GRM7: variants seen among roughly 807,000 people sequenced by gnomAD.
GRM7 encodes the protein metabotropic glutamate receptor 7.
In GRM7, 35 loss-of-function variants were observed where a neutral mutation model predicts 84.5. The observed-to-expected ratio is 0.41, with a 90% confidence interval of 0.32 to 0.55. The LOEUF (loss-of-function observed/expected upper bound fraction) is 0.55, where lower values mean the gene tolerates loss of function less well. GRM7 is among the 20% of genes least tolerant of loss of function. The pLI is 0.19. For missense variants in GRM7, 1,003 were observed against 1,194.6 expected, an observed-to-expected ratio of 0.84 and a Z score of 2.36; for synonymous variants, 487 against 455.1, an observed-to-expected ratio of 1.07 and a Z score of -0.89.
At chr3:7,415,268 T>A in intron 5 of GRM7, 105 bp downstream of exon 5, 2 of 962,072 alleles carry the variant, frequency 2.1e-6, no homozygotes, top group Non-Finnish European at 3.2e-6. Context: ...ATTGAAAAAG[T>A]AAATTAAATT....
chr3:7,666,607 C>A (rs1303909778), intron 8 of GRM7, among the ~76,000 whole-genome samples: 1 of 152,112 alleles, frequency 6.6e-6, no homozygotes, highest in Non-Finnish European at 1.5e-5. Context: ...TGATAACGGC[C>A]AAAACGTTAG....
At chr3:7,558,662 C>T (rs990445549) in intron 7 of GRM7, among the ~76,000 whole-genome samples, 2 of 152,002 alleles carry the variant, frequency 1.3e-5, no homozygotes, top group Non-Finnish European at 2.9e-5. Context: ...AATAATATTG[C>T]CTAAAAGTTA....
chr3:7,600,120 G>T (rs1696245949), intron 8 of GRM7, among the ~76,000 whole-genome samples: 1 of 151,960 alleles, frequency 6.6e-6, no homozygotes, highest in Admixed American at 6.6e-5. Context: ...TAGCTAAATT[G>T]TTCAAAAGGC....
At chr3:6,891,814 A>G (rs1273792386) in intron 1 of GRM7, among the ~76,000 whole-genome samples, 2 of 152,140 alleles carry the variant, frequency 1.3e-5, no homozygotes, top group African/African-American at 4.8e-5. Flanking sequence ...CCTTTATAAT[A>G]TCCTGCAGAG....
intron 6 of GRM7, among the ~76,000 whole-genome samples, chr3:7,454,550 G>C (rs1455651682): frequency 1.3e-5 from 2 of 151,970 alleles, no homozygotes; most frequent in Admixed American, 1.3e-4. Context: ...ACTATATAAG[G>C]CTGAAGACAA....
Position 7,098,515 on chromosome 3 carries a change from CT to C in GRM7, c.520-47936del, listed in dbSNP as rs200143928. Reference sequence around the variant, plus strand: ...TCAGATATGAGATTTTTTTCCTCATCTGTGGATTAACTTCATATATCACTTG... The same window carrying C: ...TCAGATATGAGATTTTTTTCCTCATCGTGGATTAACTTCATATATCACTTG... On this transcript the variant is annotated intron_variant, in intron 1 of 9. Coordinates refer to ENST00000357716, the MANE Select transcript of GRM7 (RefSeq NM_000844.4). Among the ~76,000 whole-genome samples the C allele has an allele frequency of 8.2e-3, 1,252 of 152,026 alleles. 7 individuals carry two copies. The highest frequency in any genetic ancestry group is 0.017 in the Middle Eastern group (5 of 294).
intron 8 of GRM7, among the ~76,000 whole-genome samples, chr3:7,583,625 C>T (rs568977725): frequency 2.0e-4 from 30 of 152,298 alleles, no homozygotes; most frequent in African/African-American, 2.9e-4. Context: ...TGATAGTTTT[C>T]GTAAAGATTA....
intron 1 of GRM7, among the ~76,000 whole-genome samples, chr3:6,910,610 C>G (rs1046172711): frequency 2.6e-5 from 4 of 152,138 alleles, no homozygotes; most frequent in Non-Finnish European, 5.9e-5. Context: ...GCTCAGTGTT[C>G]TCTTTAGTTT....
At chr3:7,589,262 G>A (rs1354510217) in intron 8 of GRM7, among the ~76,000 whole-genome samples, 4 of 152,208 alleles carry the variant, frequency 2.6e-5, no homozygotes, top group African/African-American at 9.7e-5. Context: ...AGTACCTTGT[G>A]CATTATGTTT....
At chr3:7,082,403 C>T (rs191727454) in intron 1 of GRM7, among the ~76,000 whole-genome samples, 74 of 151,878 alleles carry the variant, frequency 4.9e-4, no homozygotes, top group African/African-American at 1.6e-3. Flanking sequence ...AGCTACTACT[C>T]GGTAAAAAAA....
At chr3:6,936,490 T>A (rs1697698678) in intron 1 of GRM7, among the ~76,000 whole-genome samples, 1 of 152,070 alleles carries the variant, frequency 6.6e-6, no homozygotes, top group Non-Finnish European at 1.5e-5. Context: ...TTGTTATTCC[T>A]CATATCTGCT....
Position 7,426,109 on chromosome 3 carries a change from T to C in GRM7, c.1174+10946T>C, listed in dbSNP as rs559721504. ...CCATATCATACGTTCTTTCTTTCTT[T>C]CTTTCTTTTTCTTTTTCTTTTTTTT... On this transcript the variant is annotated intron_variant, in intron 5 of 9. Transcript: ENST00000357716. 2.0e-4 allele frequency among the ~76,000 whole-genome samples: 31 copies of C among 151,788 alleles called. 2 individuals are homozygous for C. The Middle Eastern group carries it at 0.014, about 67-fold the overall frequency.
At chr3:7,414,879 T>C (rs1052314078) in intron 4 of GRM7, 144 bp from the exon 5 acceptor site, 18 of 579,120 alleles carry the variant, frequency 3.1e-5, no homozygotes, top group African/African-American at 2.9e-4. Flanking sequence ...TTTTCCTCCT[T>C]CTGTTAATTT....
intron 1 of GRM7, among the ~76,000 whole-genome samples, chr3:7,126,924 A>T (rs558151423): frequency 1.3e-5 from 2 of 152,348 alleles, no homozygotes; most frequent in South Asian, 4.1e-4. Context: ...GATATTGAGA[A>T]CAAGGTGCAC....
intron 6 of GRM7, among the ~76,000 whole-genome samples, chr3:7,456,472 G>C (rs896496986): frequency 8.6e-5 from 13 of 151,002 alleles, no homozygotes; most frequent in Admixed American, 2.0e-4. Context: ...AACAGATAAG[G>C]AAACTGATTC....
At chr3:7,189,238 C>T (rs771360274) in intron 2 of GRM7, among the ~76,000 whole-genome samples, 18 of 152,212 alleles carry the variant, frequency 1.2e-4, no homozygotes, top group East Asian at 9.6e-4. Context: ...TATATACACA[C>T]ATATACACAT....
intron 8 of GRM7, among the ~76,000 whole-genome samples, chr3:7,629,132 G>C (rs1697752962): frequency 6.6e-6 from 1 of 152,172 alleles, no homozygotes; most frequent in South Asian, 2.1e-4. Context: ...CATGGGCTTT[G>C]GGATAGCTGT....
chr3:7,324,780 A>G (rs1700920607), intron 4 of GRM7, among the ~76,000 whole-genome samples: 1 of 152,140 alleles, frequency 6.6e-6, no homozygotes, highest in East Asian at 1.9e-4. Context: ...AGGGGCCCTC[A>G]GAATCCTTGA....
intron 7 of GRM7, among the ~76,000 whole-genome samples, chr3:7,490,854 A>G (rs911666988): frequency 5.9e-5 from 9 of 152,172 alleles, no homozygotes; most frequent in African/African-American, 2.2e-4. Context: ...TGTAAATGCC[A>G]TAAAGATACT....
Sources: gnomAD v4.1 joint callset for allele counts (sites outside exome capture counted in the v4.1 genomes callset) on GRCh38, gnomAD v4.1.1 for gene constraint, MANE v1.5 for transcripts, NCBI Gene and HGNC (gene_info 2026-07-23, HGNC 2026-07-21) for gene names.